Variants in HTR4 observed in about 807,000 individuals in gnomAD.
The protein encoded by HTR4 is 5-hydroxytryptamine (serotonin) receptor 4, G protein-coupled.
In HTR4, 16 loss-of-function variants were observed where a neutral mutation model predicts 36.8. The observed-to-expected ratio is 0.43, with a 90% CI of 0.29 to 0.66. The LOEUF is 0.66. Ranked by LOEUF, HTR4 falls within the 30% of genes least tolerant of loss-of-function variation. The pLI, the probability that HTR4 is intolerant of heterozygous loss-of-function variation, is 0.13. For synonymous variants in HTR4, 189 were observed against 185.1 expected (o/e 1.02, Z -0.17); for missense variants, 438 against 490.9 (o/e 0.89, Z 1.02).
At chr5:148,484,292 A>C in intron 6 of HTR4, 2 of 1,613,758 alleles carry the variant, frequency 1.2e-6, no homozygotes, top group Non-Finnish European at 1.7e-6. Flanking sequence ...TCAAACATCT[A>C]ATGCTCAATG....
chr5:148,458,434 C>T (rs1755179543), intron 5 of HTR4, among the ~76,000 whole-genome samples: 1 of 151,960 alleles, frequency 6.6e-6, no homozygotes, highest in African/African-American at 2.4e-5. Context: ...AGTCCCTGTC[C>T]TCATGGAGCT....
intron 2 of HTR4, among the ~76,000 whole-genome samples, chr5:148,553,101 G>A (rs555893982): frequency 6.6e-6 from 1 of 152,272 alleles, no homozygotes; most frequent in African/African-American, 2.4e-5. Context: ...TCTGTGTTAG[G>A]CATTGTTGTA....
At chr5:148,567,254 C>T (rs1188122058) in intron 2 of HTR4, among the ~76,000 whole-genome samples, 1 of 152,136 alleles carries the variant, frequency 6.6e-6, no homozygotes, top group Non-Finnish European at 1.5e-5. Flanking sequence ...TGTTTTGGAG[C>T]TTACAACTTT....
chr5:148,477,867 A>G (rs1209887244), downstream of HTR4, among the ~76,000 whole-genome samples: 1 of 152,012 alleles, frequency 6.6e-6, no homozygotes, highest in Non-Finnish European at 1.5e-5. Flanking sequence ...ATTCCCTCAG[A>G]TCAAATATAT....
At chr5:148,484,946 G>T (rs779101953) in intron 6 of HTR4, among the ~76,000 whole-genome samples, 37 of 150,690 alleles carry the variant, frequency 2.5e-4, no homozygotes, top group Non-Finnish European at 4.7e-4. Flanking sequence ...TATCTATTTA[G>T]AGAAAAAACA....
At chr5:148,530,894 G>T (rs1380204372) in intron 4 of HTR4, among the ~76,000 whole-genome samples, 1 of 152,198 alleles carries the variant, frequency 6.6e-6, no homozygotes, top group Non-Finnish European at 1.5e-5. Flanking sequence ...GGATTCAAAG[G>T]AGATCATTTT....
rs571270087 is a variant in HTR4 at position 148,490,669 on chromosome 5, T to A, written c.1077-7376A>T. ...TTACTGATATTCGGTCAATCAACAC[T>A]TTTAATTGACTGATGGTCATCCAAT... is the stretch of plus-strand genomic sequence containing the variant. On this transcript the variant is annotated intron_variant, in intron 6 of 6. Transcript: ENST00000377888. 7.3e-5 allele frequency: 86 copies of A among 1,179,114 alleles called. No individual in the cohort carries two copies. In the African/African-American group the frequency reaches 1.3e-3, roughly 17 times the overall value. 73.0% of individuals were successfully genotyped at this position (1,179,114 alleles called of 1,614,324 possible).
At chr5:148,516,280 T>C (rs1757744589) in intron 5 of HTR4, among the ~76,000 whole-genome samples, 1 of 151,232 alleles carries the variant, frequency 6.6e-6, no homozygotes, top group Non-Finnish European at 1.5e-5. Context: ...AGTGTATTTA[T>C]TAGTTGCAGT....
intron 5 of HTR4, among the ~76,000 whole-genome samples, chr5:148,464,678 C>T (rs1303968229): frequency 6.6e-6 from 1 of 152,084 alleles, no homozygotes; most frequent in African/African-American, 2.4e-5. Flanking sequence ...GTTTGTCTGT[C>T]TTTTTACAAA....
At chr5:148,540,400 G>GTGTA (rs1156826063) in intron 4 of HTR4, among the ~76,000 whole-genome samples, 24 of 74,282 alleles carry the variant, frequency 3.2e-4, no homozygotes, top group Admixed American at 7.4e-4. Context: ...TTATGTGTGT[G>GTGTA]TATATATATA....
intron 2 of HTR4, among the ~76,000 whole-genome samples, chr5:148,632,486 G>C (rs191179159): frequency 6.6e-6 from 1 of 152,258 alleles, no homozygotes; most frequent in Non-Finnish European, 1.5e-5. Flanking sequence ...AGAGGATAGA[G>C]AGCTCATGGG....
downstream of HTR4, among the ~76,000 whole-genome samples, chr5:148,474,556 T>C (rs1368238825): frequency 6.6e-6 from 1 of 152,190 alleles, no homozygotes; most frequent in Non-Finnish European, 1.5e-5. Flanking sequence ...GTACAGATAA[T>C]GTCTGCCCTT....
chr5:148,547,791 G>C (rs185526626), intron 4 of HTR4, among the ~76,000 whole-genome samples: 1 of 152,002 alleles, frequency 6.6e-6, no homozygotes, highest in Non-Finnish European at 1.5e-5. Flanking sequence ...AAGACTGGAG[G>C]AAAACTTGGG....
At chr5:148,623,796 G>A (rs1752995046) in intron 2 of HTR4, among the ~76,000 whole-genome samples, 1 of 151,808 alleles carries the variant, frequency 6.6e-6, no homozygotes. Flanking sequence ...CTCTGAGGAT[G>A]GCAAAAATAA....
At position 148,634,424 on chromosome 5, in the gene HTR4, T is replaced by C. The variant is rs74785902; in HGVS notation, c.26+2565A>G. Among the ~76,000 whole-genome samples, 112 of 152,358 alleles carry C rather than the reference T, an allele frequency of 7.4e-4. 2 individuals are homozygous for C. In the East Asian group the frequency reaches 0.018, roughly 24 times the overall value. On this transcript the variant is annotated intron_variant, in intron 2 of 6. Transcript: ENST00000377888. ...TATAAAAGAAGGCAATGCAGTTTTA[T>C]GACCTTGAACAAGTTATTCAACCTC... is the stretch of plus-strand genomic sequence containing the variant.
At chr5:148,650,067 T>G (rs1325959962) in intron 1 of HTR4, among the ~76,000 whole-genome samples, 3 of 152,078 alleles carry the variant, frequency 2.0e-5, no homozygotes, top group Non-Finnish European at 4.4e-5. Context: ...TGTGGGTACA[T>G]AGTAGGGTAC....
At chr5:148,480,500 T>A (rs746447516), downstream of HTR4, among the ~76,000 whole-genome samples, 1 of 152,188 alleles carries the variant, frequency 6.6e-6, no homozygotes, top group Non-Finnish European at 1.5e-5. Flanking sequence ...TGCCTCAGTC[T>A]CCCAAGTAGT....
intron 4 of HTR4, among the ~76,000 whole-genome samples, chr5:148,529,364 G>A (rs751440508): frequency 6.6e-6 from 1 of 152,158 alleles, no homozygotes; most frequent in African/African-American, 2.4e-5. Context: ...CAAGTGGGAG[G>A]TGATTGAATC....
intron 2 of HTR4, among the ~76,000 whole-genome samples, chr5:148,551,742 A>T (rs2113851663): frequency 6.6e-6 from 1 of 152,310 alleles, no homozygotes; most frequent in East Asian, 1.9e-4. Context: ...ACAATGGCTG[A>T]TGAGCTAAAA....
Sources: allele counts gnomAD v4.1 joint callset (sites outside exome capture counted in the v4.1 genomes callset), GRCh38; gene constraint gnomAD v4.1.1; transcripts MANE v1.5; gene names NCBI Gene and HGNC (gene_info 2026-07-23, HGNC 2026-07-21).